The following ENPP6 variants were observed in gnomAD, a reference collection of about 807,000 sequenced individuals.
The protein encoded by ENPP6 is glycerophosphocholine cholinephosphodiesterase ENPP6.
In ENPP6, 32 loss-of-function variants were observed where a neutral mutation model predicts 42.0. The ratio of observed to expected loss-of-function variants is 0.76; its 90% confidence interval spans 0.58 to 1.02. The LOEUF (loss-of-function observed/expected upper bound fraction) is 1.02, where lower values mean the gene tolerates loss of function less well. Among genes scored for constraint, ENPP6 ranks in the 50% least tolerant of loss-of-function variants. ENPP6 has a pLI of 0.00. For missense variants in ENPP6, 552 were observed against 566.8 expected, an observed-to-expected ratio of 0.97 and a Z score of 0.27; for synonymous variants, 213 against 216.0, an observed-to-expected ratio of 0.99 and a Z score of 0.12.
chr4:184,217,441 T>C, intron 1 of ENPP6, 138 bp downstream of exon 1: 1 of 1,246,282 alleles, frequency 8.0e-7, no homozygotes, highest in Non-Finnish European at 1.1e-6. Context: ...AGAACACAGA[T>C]TTTTTTTATC....
intron 1 of ENPP6, among the ~76,000 whole-genome samples, chr4:184,161,812 A>T (rs1175996218): frequency 6.6e-6 from 1 of 152,172 alleles, no homozygotes; most frequent in East Asian, 1.9e-4. Context: ...ATTCTCACTC[A>T]TAAGAGGGAA....
chr4:184,143,630 C>T (rs1236653494), intron 2 of ENPP6, among the ~76,000 whole-genome samples: 2 of 152,202 alleles, frequency 1.3e-5, no homozygotes, highest in African/African-American at 2.4e-5. Context: ...CATTCATTGG[C>T]CCTCATGGCC....
At chr4:184,091,481 A>G (rs528322738) in intron 7 of ENPP6, 99 bp from the exon 8 acceptor site, 1 of 1,154,754 alleles carries the variant, frequency 8.7e-7, no homozygotes, top group African/African-American at 1.5e-5. Context: ...TGCAGGTGAC[A>G]TTGAGATTAG....
chr4:184,182,121 A>T (rs940781780), intron 1 of ENPP6, among the ~76,000 whole-genome samples: 3 of 151,884 alleles, frequency 2.0e-5, no homozygotes, highest in Admixed American at 6.6e-5. Flanking sequence ...TCAGACAAAG[A>T]TCTAATATCC....
intron 2 of ENPP6, among the ~76,000 whole-genome samples, chr4:184,153,296 G>T (rs763607486): frequency 6.6e-6 from 1 of 151,840 alleles, no homozygotes; most frequent in Non-Finnish European, 1.5e-5. Flanking sequence ...AGCTAATTTT[G>T]TATTTTTAGT....
rs751903261 is a variant in ENPP6, at chr4:184,184,088, C to T, written c.242-30355G>A. 2.0e-5 allele frequency among the ~76,000 whole-genome samples: 3 copies of T among 152,154 alleles called. No individual in the cohort carries two copies. Among genetic ancestry groups the T allele is most frequent in the Non-Finnish European group, 2.9e-5 (2 of 68,040 alleles). On this transcript the variant is annotated intron_variant, in intron 1 of 7. Transcript: ENST00000296741. The surrounding 1 kb of genome is among the most constrained non-coding windows in gnomAD (Gnocchi z 4.7). ...GCCCCACCTCCATGCACCAACTGGA[C>T]ATCATGTGAGGGAGGAAACAGTTCT...
intron 1 of ENPP6, among the ~76,000 whole-genome samples, chr4:184,164,284 T>A: frequency 6.6e-6 from 1 of 152,348 alleles, no homozygotes; most frequent in Non-Finnish European, 1.5e-5. Context: ...TGCTATATTG[T>A]AGGTAGTGTT....
intron 2 of ENPP6, among the ~76,000 whole-genome samples, chr4:184,131,140 A>ACTTTCTTT (rs1171459794): frequency 0.046 from 5,575 of 121,560 alleles, 367 homozygotes; most frequent in Middle Eastern, 0.082. Context: ...ACCAGCACTT[A>ACTTTCTTT]CTTTCTTTCT....
At chr4:184,164,432 G>A (rs1265461759) in intron 1 of ENPP6, among the ~76,000 whole-genome samples, 5 of 152,148 alleles carry the variant, frequency 3.3e-5, no homozygotes, top group Non-Finnish European at 5.9e-5. Context: ...GAAGTTCTTA[G>A]GGTGGGCCCT....
intron 2 of ENPP6, among the ~76,000 whole-genome samples, chr4:184,147,443 T>C (rs115465241): frequency 0.011 from 1,750 of 152,318 alleles, 46 homozygotes; most frequent in African/African-American, 0.04. Context: ...CATCACGCTC[T>C]TCCTTAAAAC....
intron 4 of ENPP6, 133 bp downstream of exon 4, chr4:184,117,626 A>G: frequency 1.5e-6 from 2 of 1,312,662 alleles, no homozygotes; most frequent in Non-Finnish European, 2.1e-6. Flanking sequence ...AAGCCAAGGG[A>G]CTCGTCAAAG....
At position 184,169,384 on chromosome 4, in the gene ENPP6, C is replaced by T. The variant is rs960211692; in HGVS notation, c.242-15651G>A. On this transcript the variant is annotated intron_variant, in intron 1 of 7. Transcript: ENST00000296741. Reference sequence around the variant, plus strand: ...GTGAAGACATGGCCCCAGGAAGAGACGCTGGGGCTACAGCCAGGGCCGCGG... The same window carrying T: ...GTGAAGACATGGCCCCAGGAAGAGATGCTGGGGCTACAGCCAGGGCCGCGG... 7.2e-5 allele frequency among the ~76,000 whole-genome samples: 11 copies of T among 152,246 alleles called. No homozygotes were observed. The South Asian group carries it at 8.3e-4, about 12-fold the overall frequency.
chr4:184,124,311 A>G lies in ENPP6; in HGVS notation c.422-39T>C, dbSNP rs776306609. 17 of 1,482,398 alleles carry G rather than the reference A, an allele frequency of 1.1e-5. No individual in the cohort carries two copies. The South Asian group carries it at 1.9e-4, about 17-fold the overall frequency. 91.8% of individuals were successfully genotyped at this position (1,482,398 alleles called of 1,614,324 possible). A position where few individuals can be genotyped will look rare whatever the true frequency, so the allele number is the denominator to read the frequency against. On this transcript the variant is annotated intron_variant, in intron 2 of 7. Transcript: ENST00000296741. The stretch of plus-strand genomic sequence containing the variant: ...AGATGGCAAATAGTTACTCTCTTCA[A>G]TAAGTAATGTCGAGTTATGAGCCTA...
chr4:184,091,536 T>C (rs1735801161), intron 7 of ENPP6, among the ~76,000 whole-genome samples, 154 bp from the exon 8 acceptor site: 3 of 152,028 alleles, frequency 2.0e-5, no homozygotes, highest in Admixed American at 2.0e-4. Context: ...AGTGTGAACA[T>C]AGAAGGGTAT....
chr4:184,174,808 G>GA (rs1186805950), intron 1 of ENPP6, among the ~76,000 whole-genome samples: 1 of 152,200 alleles, frequency 6.6e-6, no homozygotes, highest in Non-Finnish European at 1.5e-5. Context: ...AAAGTCAGTG[G>GA]AAGCCCGCAC....
At chr4:184,194,230 A>G (rs1368035610) in intron 1 of ENPP6, among the ~76,000 whole-genome samples, 1 of 152,180 alleles carries the variant, frequency 6.6e-6, no homozygotes. Context: ...CAGTGTGAGA[A>G]TATAAACGAT....
At chr4:184,127,653 A>G (rs1736526317) in intron 2 of ENPP6, among the ~76,000 whole-genome samples, 1 of 152,144 alleles carries the variant, frequency 6.6e-6, no homozygotes. Context: ...GCTACTTGGG[A>G]GGCTGAGGCA....
rs759799702 is a variant in ENPP6, at chr4:184,116,995, G to A, written c.716C>T (p.Ser239Leu). ...LQDRLNVIIF[S>L]DHGMTDIFWM... is the part of the protein sequence containing the mutation. ...GAAAATGTCGGTCATTCCGTGATCC[G>A]AGAAAATAATGACGTTCAGGCGGTC... The change falls in exon 5 of 8, where the codon TCG (serine) becomes TTG (leucine). Residue 239 changes from serine to leucine, a missense_variant. Physicochemically the swap from Ser to Leu is moderately radical, Grantham distance 145 (BLOSUM62 -2). Coordinates refer to ENST00000296741, the MANE Select transcript of ENPP6 (RefSeq NM_153343.4). 8.7e-6 allele frequency: 14 copies of A among 1,614,066 alleles called. No individual in the cohort carries two copies. The highest frequency in any genetic ancestry group is 1.1e-5 in the Non-Finnish European group (13 of 1,180,050).
In ENPP6 at chr4:184,164,855, A is replaced by C. The variant is rs1737324044; in HGVS notation, c.242-11122T>G. On this transcript the variant is annotated intron_variant, in intron 1 of 7. Transcript: ENST00000296741. ...TTACACCACCAGGTATACTGGAGCC[A>C]GGATTTAAATCAGGCAGCCTGGATC... Among the ~76,000 whole-genome samples the C allele has an allele frequency of 2.0e-5, 3 of 152,200 alleles. 1 individual carries two copies. Among genetic ancestry groups the C allele is most frequent in the Admixed American group, 2.0e-4 (3 of 15,274 alleles).
Sources: gnomAD v4.1 joint callset for allele counts (sites outside exome capture counted in the v4.1 genomes callset) on GRCh38, gnomAD v4.1.1 for gene constraint, Gnocchi (gnomAD v3.1) non-coding constraint, MANE v1.5 for transcripts, NCBI Gene and HGNC (gene_info 2026-07-23, HGNC 2026-07-21) for gene names.